Variants in DNAH9 observed in about 807,000 individuals in gnomAD.
DNAH9 encodes the protein DNAH9 variant protein.
In DNAH9, 345 loss-of-function variants were observed where a neutral mutation model predicts 471.6. That is an observed-to-expected ratio of 0.73 (90% CI 0.67 to 0.80). The LOEUF is 0.80. Among genes scored for constraint, DNAH9 ranks in the 30% least tolerant of loss-of-function variants. The probability of loss-of-function intolerance (pLI) is 0.00; values close to 1 mark genes in which losing one functional copy is unlikely to be tolerated. For synonymous variants in DNAH9, 2,093 were observed against 2,123.6 expected (o/e 0.99, Z 0.40); for missense variants, 5,407 against 5,609.2 (o/e 0.96, Z 1.15).
intron 1 of DNAH9, among the ~76,000 whole-genome samples, chr17:11,605,845 TTC>T (rs2072493633): frequency 6.6e-6 from 1 of 152,110 alleles, no homozygotes; most frequent in Non-Finnish European, 1.5e-5. Context: ...TTCGTTATTT[TTC>T]TGTCACTCAA....
chr17:11,789,817 A>C (rs1423338950), intron 41 of DNAH9, among the ~76,000 whole-genome samples: 1 of 152,028 alleles, frequency 6.6e-6, no homozygotes, highest in Non-Finnish European at 1.5e-5. Flanking sequence ...TAAAACATTC[A>C]TTATAAGACT....
At chr17:11,625,586 ATGGGCAGCG>A (rs1304700246) in intron 6 of DNAH9, among the ~76,000 whole-genome samples, 1 of 152,192 alleles carries the variant, frequency 6.6e-6, no homozygotes, top group African/African-American at 2.4e-5. Flanking sequence ...TTCTTTTAAG[ATGGGCAGCG>A]TGGCCTCTCC....
At chr17:11,764,075 G>A (rs983899696) in intron 36 of DNAH9, among the ~76,000 whole-genome samples, 1 of 152,064 alleles carries the variant, frequency 6.6e-6, no homozygotes, top group East Asian at 1.9e-4. Flanking sequence ...ATCTCCATAC[G>A]CGCGAAACTC....
chr17:11,823,728 G>A (rs945121260), intron 48 of DNAH9, among the ~76,000 whole-genome samples: 1 of 151,976 alleles, frequency 6.6e-6, no homozygotes, highest in Non-Finnish European at 1.5e-5. Flanking sequence ...TCAGGAGATC[G>A]AGACCATCCT....
intron 35 of DNAH9, among the ~76,000 whole-genome samples, chr17:11,760,664 T>C (rs1967627674): frequency 6.6e-6 from 1 of 151,986 alleles, no homozygotes. Context: ...GGACTACAGG[T>C]GCATGCCACC....
chr17:11,888,664 A>G (rs1972956966), intron 57 of DNAH9, among the ~76,000 whole-genome samples: 1 of 152,218 alleles, frequency 6.6e-6, no homozygotes, highest in African/African-American at 2.4e-5. Flanking sequence ...TCATTGACCA[A>G]CCTGATCTTT....
intron 10 of DNAH9, among the ~76,000 whole-genome samples, chr17:11,642,687 G>C (rs1038662040): frequency 6.6e-6 from 1 of 152,124 alleles, no homozygotes; most frequent in Non-Finnish European, 1.5e-5. Flanking sequence ...AGACCCACTC[G>C]GCCACACGCC....
At chr17:11,652,267 T>C (rs1194844047) in intron 13 of DNAH9, among the ~76,000 whole-genome samples, 2 of 143,794 alleles carry the variant, frequency 1.4e-5, no homozygotes, top group Admixed American at 1.4e-4. Context: ...ATCAGGATTA[T>C]GGTAAGGGTA....
intron 11 of DNAH9, 96 bp downstream of exon 11, chr17:11,644,795 G>A (rs1261908838): frequency 2.4e-6 from 2 of 829,610 alleles, no homozygotes; most frequent in Non-Finnish European, 2.0e-6. Context: ...CAGTGGCTCC[G>A]AAGTATCACT....
intron 43 of DNAH9, among the ~76,000 whole-genome samples, chr17:11,800,201 C>T (rs537341710): frequency 6.6e-5 from 10 of 152,216 alleles, no homozygotes; most frequent in Non-Finnish European, 1.3e-4. Flanking sequence ...TCAAATCTAA[C>T]AGCCTATGTG....
intron 1 of DNAH9, among the ~76,000 whole-genome samples, chr17:11,603,397 A>T (rs912376321): frequency 6.6e-6 from 1 of 152,222 alleles, no homozygotes; most frequent in Non-Finnish European, 1.5e-5. Context: ...TAAGAAACGG[A>T]AACGAGAATA....
chr17:11,787,873 G>T (rs1025541186), intron 41 of DNAH9, among the ~76,000 whole-genome samples: 6 of 152,148 alleles, frequency 3.9e-5, no homozygotes. Context: ...CATGTAAGAA[G>T]TGCCTTTTGC....
At position 11,690,338 on chromosome 17, in the gene DNAH9, G is replaced by A. The variant is rs564727778; in HGVS notation, c.4516G>A (p.Asp1506Asn). 11 of 1,614,136 alleles carry A rather than the reference G, an allele frequency of 6.8e-6. No individual in the cohort carries two copies. The South Asian group carries it at 1.2e-4, about 18-fold the overall frequency. The change falls in exon 20 of 69, where the codon GAC becomes AAC. Residue 1506 changes from aspartate (D) to asparagine (N), a missense_variant. Physicochemically the swap from Asp to Asn is conservative, Grantham distance 23. Transcript: ENST00000262442. ...CTGGCAGAAGAAGCTGTCCACAGTG[G>A]ACGCTGTCATCTCTATCTGGTTTGA... is the stretch of plus-strand genomic sequence containing the variant. ...SGWQKKLSTV[D>N]AVISIWFEVQ...
At chr17:11,866,034 G>T (rs994146352) in intron 50 of DNAH9, among the ~76,000 whole-genome samples, 1 of 152,170 alleles carries the variant, frequency 6.6e-6, no homozygotes, top group South Asian at 2.1e-4. Context: ...GTCATTCTCC[G>T]TCCAGCTTTG....
chr17:11,859,876 C>T (rs1020366711), intron 50 of DNAH9, among the ~76,000 whole-genome samples: 1 of 152,200 alleles, frequency 6.6e-6, no homozygotes, highest in African/African-American at 2.4e-5. Flanking sequence ...CACCAGGCCC[C>T]ACTTCCAACA....
intron 56 of DNAH9, among the ~76,000 whole-genome samples, 199 bp downstream of exon 56, chr17:11,883,949 A>G (rs1052887401): frequency 5.3e-5 from 8 of 152,174 alleles, no homozygotes; most frequent in African/African-American, 1.9e-4. Context: ...TGTATTATGT[A>G]GTTCCCACCT....
chr17:11,611,766 G>C lies in DNAH9; in HGVS notation c.890G>C (p.Arg297Thr). ...TTTCCAGCTTTCAAAGCCATGTACA[G>C]AGATGTTGTTGCAGGTGAGGACCAG... ...SYFPAFKAMY[R>T]DVVAALAEAQ... Residue 297 changes from arginine (R) to threonine (T), a missense_variant, in exon 4 of 69, where the codon AGA becomes ACA. This residue lies in a region of DNAH9 where 767 missense variants were observed against 692.5 expected (regional missense o/e 1.11). Transcript: ENST00000262442. 2 of 1,614,248 alleles carry C rather than the reference G, an allele frequency of 1.2e-6. No individual in the cohort carries two copies. Among genetic ancestry groups the C allele is most frequent in the Non-Finnish European group, 1.7e-6 (2 of 1,180,020 alleles).
At chr17:11,719,200 G>A (rs1307667932) in intron 26 of DNAH9, 134 bp from the exon 27 acceptor site, 1 of 815,724 alleles carries the variant, frequency 1.2e-6, no homozygotes, top group East Asian at 2.7e-5. Flanking sequence ...ACAGTGCTGT[G>A]GGGAGCGGGA....
intron 26 of DNAH9, among the ~76,000 whole-genome samples, chr17:11,714,911 C>A (rs561736351): frequency 2.0e-5 from 3 of 152,232 alleles, no homozygotes; most frequent in African/African-American, 7.2e-5. Context: ...CCCAAAGCCT[C>A]CAGATAATAG....
Sources: gnomAD v4.1 joint callset for allele counts (sites outside exome capture counted in the v4.1 genomes callset) on GRCh38, gnomAD v4.1.1 for gene constraint, gnomAD v4.1.1 regional missense constraint, MANE v1.5 for transcripts, NCBI Gene and HGNC (gene_info 2026-07-23, HGNC 2026-07-21) for gene names.